MMP20: variants seen among roughly 807,000 people sequenced by gnomAD.
MMP20 encodes matrix metalloproteinase-20.
Under a neutral mutation model 51.8 loss-of-function variants are expected in MMP20, and 50 were observed. The ratio of observed to expected loss-of-function variants is 0.97; its 90% CI spans 0.77 to 1.22. The LOEUF (loss-of-function observed/expected upper bound fraction) is 1.22, where lower values mean the gene tolerates loss of function less well. Ranked by LOEUF, MMP20 falls within the 50% of genes most tolerant of loss-of-function variation. MMP20 has a pLI of 0.00. For missense variants in MMP20, 663 were observed against 601.4 expected (o/e 1.10, Z -1.07); for synonymous variants, 244 against 216.2 (o/e 1.13, Z -1.13).
At chr11:102,622,353 G>A (rs1201568362) in intron 1 of MMP20, among the ~76,000 whole-genome samples, 2 of 152,086 alleles carry the variant, frequency 1.3e-5, no homozygotes, top group East Asian at 3.8e-4. Flanking sequence ...AGGACCTGCT[G>A]GCCTCACCTG....
chr11:102,591,138 T>G (rs898683962), intron 8 of MMP20, among the ~76,000 whole-genome samples: 1 of 152,248 alleles, frequency 6.6e-6, no homozygotes, highest in African/African-American at 2.4e-5. Context: ...TAAAGCACAC[T>G]GTGCAGAATT....
At chr11:102,599,070 C>T (rs188855265) in intron 6 of MMP20, among the ~76,000 whole-genome samples, 16 of 146,710 alleles carry the variant, frequency 1.1e-4, no homozygotes, top group Admixed American at 2.8e-4. Context: ...TGGAGTGCAG[C>T]GGCGCAATCT....
chr11:102,586,817 A>G (rs900013053), intron 8 of MMP20, among the ~76,000 whole-genome samples: 1 of 144,422 alleles, frequency 6.9e-6, no homozygotes, highest in Non-Finnish European at 1.5e-5. Context: ...ACTCCGCCTC[A>G]AAAAAAAAAA....
At chr11:102,590,938 G>T (rs1859309983) in intron 8 of MMP20, among the ~76,000 whole-genome samples, 1 of 152,174 alleles carries the variant, frequency 6.6e-6, no homozygotes, top group Non-Finnish European at 1.5e-5. Context: ...AAGGGAACTT[G>T]GGTCCCTGTT....
chr11:102,608,659 A>G (rs1221817760), intron 5 of MMP20, among the ~76,000 whole-genome samples: 1 of 150,244 alleles, frequency 6.7e-6, no homozygotes, highest in East Asian at 2.0e-4. Context: ...CAATGTGTAA[A>G]TTCTAACCTG....
At chr11:102,584,969 C>A (rs1162916732) in intron 8 of MMP20, among the ~76,000 whole-genome samples, 6 of 152,120 alleles carry the variant, frequency 3.9e-5, no homozygotes, top group African/African-American at 1.4e-4. Flanking sequence ...AAATTTTATT[C>A]TATTAACATG....
chr11:102,576,840 T>C lies in MMP20; in HGVS notation c.*486A>G, dbSNP rs370747533. 2 of 171,758 alleles carry C rather than the reference T, an allele frequency of 1.2e-5. No homozygotes were observed. Among genetic ancestry groups the C allele is most frequent in the African/African-American group, 2.4e-5 (1 of 41,556 alleles). 10.6% of individuals were successfully genotyped at this position (171,758 alleles called of 1,614,324 possible). ...ACCACTCTTATGCAGTATTTTGTTG[T>C]GATGTCTTTTAAGTAAAAATTGGGA... On this transcript the variant is annotated 3_prime_UTR_variant, in exon 10 of 10. Coordinates refer to ENST00000260228, the MANE Select transcript of MMP20 (RefSeq NM_004771.4).
chr11:102,587,945 A>G (rs1160037697), intron 8 of MMP20, among the ~76,000 whole-genome samples: 1 of 152,036 alleles, frequency 6.6e-6, no homozygotes, highest in African/African-American at 2.4e-5. Flanking sequence ...TTCACATTTA[A>G]TGTTATTGAT....
At chr11:102,621,363 G>A (rs1428516439) in intron 1 of MMP20, among the ~76,000 whole-genome samples, 1 of 152,214 alleles carries the variant, frequency 6.6e-6, no homozygotes, top group Non-Finnish European at 1.5e-5. Flanking sequence ...CACACAAATA[G>A]ATTTGTGAGA....
At chr11:102,580,023 A>C (rs1391915749) in intron 8 of MMP20, among the ~76,000 whole-genome samples, 1 of 152,244 alleles carries the variant, frequency 6.6e-6, no homozygotes, top group African/African-American at 2.4e-5. Context: ...TAAGTAAATA[A>C]GAAGCAAGTA....
At chr11:102,605,682 A>G (rs1015411902) in intron 6 of MMP20, among the ~76,000 whole-genome samples, 2 of 152,074 alleles carry the variant, frequency 1.3e-5, no homozygotes, top group Admixed American at 6.6e-5. Context: ...GAAAACCACA[A>G]TGGGCTCCAT....
intron 6 of MMP20, 63 bp downstream of exon 6, chr11:102,606,472 A>C: frequency 6.2e-7 from 1 of 1,606,542 alleles, no homozygotes; most frequent in Non-Finnish European, 8.5e-7. Flanking sequence ...GACCTGTGGG[A>C]CGACGTTTGT....
intron 1 of MMP20, among the ~76,000 whole-genome samples, chr11:102,617,987 C>T (rs1859695965): frequency 6.6e-6 from 1 of 152,172 alleles, no homozygotes; most frequent in Non-Finnish European, 1.5e-5. Context: ...CCTAAATCCA[C>T]AGATGCTCAA....
chr11:102,594,744 G>T lies in MMP20; in HGVS notation c.967C>A (p.Arg323=), dbSNP rs200265019. 1 of 1,590,758 alleles carries T rather than the reference G, an allele frequency of 6.3e-7. No homozygotes were observed. Among genetic ancestry groups the T allele is most frequent in the East Asian group, 2.3e-5 (1 of 44,048 alleles). The change falls in exon 7 of 10, where the codon CGG becomes AGG. Residue 323 remains arginine, a synonymous_variant. Transcript: ENST00000260228. ...ATTCCTGTCCGCAAGTGAACCTGCCGTCTCCAGAAAATCCTATGGGACATT... is the reference window on the plus strand; with the variant it reads ...ATTCCTGTCCGCAAGTGAACCTGCCTTCTCCAGAAAATCCTATGGGACATT... ...LLFKDRIFWR[R]QVHLRTGIRP... is the part of the protein sequence containing the mutation.
intron 1 of MMP20, among the ~76,000 whole-genome samples, chr11:102,621,233 G>A (rs1014862368): frequency 2.6e-5 from 4 of 152,188 alleles, no homozygotes; most frequent in Non-Finnish European, 4.4e-5. Flanking sequence ...CCATGTTATG[G>A]CTACATGGCT....
At chr11:102,610,087 G>T in intron 3 of MMP20, 57 bp from the exon 4 acceptor site, 2 of 1,596,544 alleles carry the variant, frequency 1.3e-6, no homozygotes, top group Non-Finnish European at 1.7e-6. Flanking sequence ...ATTCTGAGGG[G>T]CGCATCATAT....
rs1859680145 is a variant in MMP20, at chr11:102,616,961, T to C, written c.225A>G (p.Leu75=). Residue 75 remains leucine, a synonymous_variant, in exon 2 of 10, where the codon CTA becomes CTG. Transcript: ENST00000260228. ...SNSMIRKIKE[L]QAFFGLQVTG... ...TGACTTGGAGGCCAAAGAACGCTTG[T>C]AGCTCCTTAATCTTCCTTATCATGG... The C allele has an allele frequency of 1.2e-6, 2 of 1,614,118 alleles. No homozygotes were observed. Among genetic ancestry groups the C allele is most frequent in the African/African-American group, 1.3e-5 (1 of 74,936 alleles).
chr11:102,591,218 C>T (rs1859313230), intron 8 of MMP20, among the ~76,000 whole-genome samples: 1 of 152,206 alleles, frequency 6.6e-6, no homozygotes, highest in South Asian at 2.1e-4. Context: ...TGAGGGTTGT[C>T]TTACTCCTTG....
chr11:102,577,829 C>A (rs1859143801), intron 9 of MMP20, among the ~76,000 whole-genome samples: 1 of 152,216 alleles, frequency 6.6e-6, no homozygotes. Flanking sequence ...TATTTTAATT[C>A]TCAGATCAGC....
Sources: allele counts gnomAD v4.1 joint callset (sites outside exome capture counted in the v4.1 genomes callset), GRCh38; gene constraint gnomAD v4.1.1; transcripts MANE v1.5; gene names NCBI Gene and HGNC (gene_info 2026-07-23, HGNC 2026-07-21).